MCF2: variants seen among roughly 807,000 people sequenced by gnomAD.
MCF2 encodes proto-oncogene DBL.
Under a neutral mutation model 82.5 loss-of-function variants are expected in MCF2, and 44 were observed. That is an observed-to-expected ratio of 0.53 (90% CI 0.42 to 0.69). MCF2 has a LOEUF of 0.69. Among genes scored for constraint, MCF2 ranks in the 30% least tolerant of loss-of-function variants. The probability of loss-of-function intolerance (pLI) is 0.00; values close to 1 mark genes in which losing one functional copy is unlikely to be tolerated. For missense variants in MCF2, 623 were observed against 663.1 expected (o/e 0.94, Z 0.66); for synonymous variants, 217 against 224.9 (o/e 0.96, Z 0.32).
intron 6 of MCF2, among the ~76,000 whole-genome samples, chrX:139,623,120 A>C (rs914831818): frequency 3.5e-4 from 39 of 111,534 alleles, no homozygotes; most frequent in Non-Finnish European, 4.1e-4. Flanking sequence ...GGGAACGCTG[A>C]TACACTGCTG....
At position 139,586,373 on chromosome X, in the gene MCF2, C is replaced by A; in HGVS notation, c.2632+5G>T. The A allele has an allele frequency of 8.5e-7, 1 of 1,180,935 alleles. No homozygotes were observed. Among genetic ancestry groups the A allele is most frequent in the Non-Finnish European group, 1.2e-6 (1 of 867,825 alleles). On this transcript the variant is annotated splice_donor_5th_base_variant and intron_variant, in intron 23 of 24. Transcript: ENST00000370576. ...GTCTCGTCTTAAGATGACCATGACA[C>A]ATACCTGTATTTGCTTCTGCCTGAA... is the stretch of plus-strand genomic sequence containing the variant.
At chrX:139,671,962 C>T (rs1201252428) in intron 1 of MCF2, among the ~76,000 whole-genome samples, 2 of 111,670 alleles carry the variant, frequency 1.8e-5, no homozygotes, top group African/African-American at 6.5e-5. Flanking sequence ...AATGTTCTTC[C>T]ATTTGTTTGT....
At chrX:139,645,873 G>A (rs1299482742), upstream of MCF2, among the ~76,000 whole-genome samples, 1 of 111,376 alleles carries the variant, frequency 9.0e-6, no homozygotes, top group African/African-American at 3.3e-5. Flanking sequence ...CAGCATTAAT[G>A]TCAATCTTTT....
intron 1 of MCF2, chrX:139,692,146 G>T: frequency 8.8e-7 from 1 of 1,130,240 alleles, no homozygotes; most frequent in Non-Finnish European, 1.2e-6. Context: ...GCCCGCCTTG[G>T]CGAACCCAGG....
chrX:139,595,746 T>TAA (rs1389419984), intron 19 of MCF2, among the ~76,000 whole-genome samples: 1 of 108,146 alleles, frequency 9.2e-6, no homozygotes, highest in African/African-American at 3.4e-5. Flanking sequence ...AATAAAAAAA[T>TAA]AAAAAATAAA....
chrX:139,640,907 C>T (rs1933523234), intron 1 of MCF2, among the ~76,000 whole-genome samples: 1 of 110,383 alleles, frequency 9.1e-6, no homozygotes, highest in African/African-American at 3.3e-5. Flanking sequence ...ACTTAACACC[C>T]AAACATATGC....
intron 1 of MCF2, among the ~76,000 whole-genome samples, chrX:139,672,190 C>T (rs529633907): frequency 9.8e-5 from 11 of 112,536 alleles, no homozygotes; most frequent in African/African-American, 3.2e-4. Flanking sequence ...GCTGAAGTTG[C>T]TTCTCAGCTG....
chrX:139,654,741 C>T (rs5907068), intron 1 of MCF2, among the ~76,000 whole-genome samples: 204 of 111,003 alleles, frequency 1.8e-3, no homozygotes, highest in Non-Finnish European at 3.1e-3. Flanking sequence ...GGAAAGTTTC[C>T]CCAACATTTT....
At chrX:139,654,355 T>G (rs1934128318) in intron 1 of MCF2, among the ~76,000 whole-genome samples, 1 of 111,792 alleles carries the variant, frequency 8.9e-6, no homozygotes, top group African/African-American at 3.3e-5. Context: ...GTGAGATATG[T>G]CATTGTAGTT....
intron 6 of MCF2, among the ~76,000 whole-genome samples, chrX:139,622,588 G>T (rs1221137020): frequency 9.0e-6 from 1 of 110,797 alleles, no homozygotes; most frequent in Non-Finnish European, 1.9e-5. Context: ...TAGGGACATG[G>T]ATGAAGCTAG....
At chrX:139,654,148 G>T (rs182468078) in intron 1 of MCF2, among the ~76,000 whole-genome samples, 229 of 111,332 alleles carry the variant, frequency 2.1e-3, no homozygotes, top group Non-Finnish European at 3.9e-3. Flanking sequence ...TCTTTCTTTT[G>T]AATATGTACC....
intron 1 of MCF2, among the ~76,000 whole-genome samples, chrX:139,671,382 C>G (rs139210350): frequency 9.0e-6 from 1 of 111,560 alleles, no homozygotes; most frequent in East Asian, 2.8e-4. Flanking sequence ...TCATGAAGCC[C>G]TTGCCCATGC....
chrX:139,660,660 A>T (rs1934332575), intron 1 of MCF2, among the ~76,000 whole-genome samples: 1 of 112,657 alleles, frequency 8.9e-6, no homozygotes, highest in Admixed American at 9.4e-5. Context: ...TCACAAAATG[A>T]ATTCCCATTG....
rs1316573488 is a variant in MCF2 at position 139,620,015 on chromosome X, GTGTGTGTGTGTGTA to G, written c.688-323_688-310del. On this transcript the variant is annotated intron_variant, in intron 6 of 24. Coordinates refer to ENST00000370576, the Ensembl canonical transcript of MCF2. ...TATACATTTGTGTGTGTGTGTGTGT[GTGTGTGTGTGTGTA>G]TATATATATAGCAAATATCTAAAAC... Among the ~76,000 whole-genome samples the G allele has an allele frequency of 6.6e-5, 7 of 105,613 alleles. No individual in the cohort carries two copies. In the Admixed American group the frequency reaches 7.2e-4, roughly 11 times the overall value. 91.7% of individuals were successfully genotyped at this position (105,613 alleles called of 115,157 possible). A position where few individuals can be genotyped will look rare whatever the true frequency, so the allele number is the denominator to read the frequency against.
chrX:139,645,817 T>G (rs1875554619), upstream of MCF2, among the ~76,000 whole-genome samples: 1 of 112,150 alleles, frequency 8.9e-6, no homozygotes, highest in East Asian at 2.8e-4. Flanking sequence ...CTTAGAAAAC[T>G]AATCTGAATA....
intron 1 of MCF2, among the ~76,000 whole-genome samples, chrX:139,695,109 C>A (rs1291298573): frequency 9.3e-6 from 1 of 107,919 alleles, no homozygotes; most frequent in Non-Finnish European, 1.9e-5. Flanking sequence ...CAGCTCACTG[C>A]AACCTCTGCC....
rs781228206 is a variant in MCF2 at position 139,587,838 on chromosome X, T to A, written c.2450-50A>T. The A allele has an allele frequency of 3.5e-5, 27 of 769,583 alleles. No individual in the cohort carries two copies. The South Asian group carries it at 5.4e-4, about 16-fold the overall frequency. 63.4% of individuals were successfully genotyped at this position (769,583 alleles called of 1,213,427 possible). ...ATCATTCAGAAGTCACACTTCTTAC[T>A]TCCTTGAAGGCCAATGACTTTCTCT... On this transcript the variant is annotated intron_variant, in intron 21 of 24. Transcript: ENST00000370576.
intron 1 of MCF2, among the ~76,000 whole-genome samples, chrX:139,638,086 G>A (rs1035335709): frequency 3.6e-5 from 4 of 111,857 alleles, no homozygotes; most frequent in Non-Finnish European, 5.6e-5. Flanking sequence ...CTCCAGAACC[G>A]TAATGATACA....
In MCF2 at chrX:139,680,219, G is replaced by C. The variant is rs763688397; in HGVS notation, c.-45+27887C>G. ...GCTTCATGCAGCCTCAAACTCCTAG[G>C]CTCAAGCGATCCTCCCGCCTAAGCC... On this transcript the variant is annotated intron_variant, in intron 1 of 27. Transcript: ENST00000414978. Among the ~76,000 whole-genome samples the C allele has an allele frequency of 3.6e-5, 4 of 111,660 alleles. No individual in the cohort carries two copies. In the East Asian group the frequency reaches 1.1e-3, roughly 31 times the overall value.
Sources: gnomAD v4.1 joint callset for allele counts (sites outside exome capture counted in the v4.1 genomes callset) on GRCh38, gnomAD v4.1.1 for gene constraint, MANE v1.5 for transcripts, NCBI Gene and HGNC (gene_info 2026-07-23, HGNC 2026-07-21) for gene names.